PCDHGA1: variants seen among roughly 807,000 people sequenced by gnomAD.
PCDHGA1 encodes the protein protocadherin gamma subfamily A, 1.
PCDHGA1 carries 32 observed loss-of-function variants against 58.0 expected under a neutral mutation model. The ratio of observed to expected loss-of-function variants is 0.55; its 90% CI spans 0.42 to 0.74. The LOEUF is 0.74. PCDHGA1 is among the 30% of genes least tolerant of loss of function. PCDHGA1 has a pLI of 0.00. For missense variants in PCDHGA1, 1,205 were observed against 1,182.3 expected, an observed-to-expected ratio of 1.02 and a Z score of -0.28; for synonymous variants, 498 against 501.1, an observed-to-expected ratio of 0.99 and a Z score of 0.08.
chr5:141,409,178 G>C, intron 1 of PCDHGA1: 1 of 1,613,994 alleles, frequency 6.2e-7, no homozygotes, highest in Non-Finnish European at 8.5e-7. Context: ...GGACGGAGGT[G>C]GTCTCTCTAC....
chr5:141,373,336 T>C (rs1769491453), intron 1 of PCDHGA1, among the ~76,000 whole-genome samples: 1 of 152,216 alleles, frequency 6.6e-6, no homozygotes, highest in South Asian at 2.1e-4. Flanking sequence ...GCATCTAAAA[T>C]GGCAACTCTT....
chr5:141,408,643 C>G (rs751905674), intron 1 of PCDHGA1: 2 of 1,613,910 alleles, frequency 1.2e-6, no homozygotes, highest in Admixed American at 1.7e-5. Context: ...AATCTGCATC[C>G]GCTGGTACAC....
chr5:141,348,820 C>T (rs1030832002), intron 1 of PCDHGA1, among the ~76,000 whole-genome samples: 12 of 152,088 alleles, frequency 7.9e-5, no homozygotes, highest in East Asian at 1.9e-4. Flanking sequence ...TAGGCTGTTT[C>T]GAATAGAGTA....
chr5:141,394,362 C>T, intron 1 of PCDHGA1: 1 of 1,614,174 alleles, frequency 6.2e-7, no homozygotes, highest in Non-Finnish European at 8.5e-7. Flanking sequence ...CCTGTATGCG[C>T]TGCAATCTTT....
chr5:141,394,524 G>T lies in PCDHGA1; in HGVS notation c.2421+61419G>T, dbSNP rs977174958. 13 of 1,614,214 alleles carry T rather than the reference G, an allele frequency of 8.1e-6. No homozygotes were observed. ...CCTGTACCCCGCCCTCCCCACAGAC[G>T]GTTCCACTGGCGTGGAGCTGGCGCC... On this transcript the variant is annotated intron_variant, in intron 1 of 3. Coordinates refer to ENST00000517417, the MANE Select transcript of PCDHGA1 (RefSeq NM_018912.3).
At chr5:141,461,190 T>C (rs2099010725) in intron 1 of PCDHGA1, among the ~76,000 whole-genome samples, 1 of 152,142 alleles carries the variant, frequency 6.6e-6, no homozygotes, top group Non-Finnish European at 1.5e-5. Context: ...TAGATCTGTT[T>C]TTTGCTCTTT....
intron 1 of PCDHGA1, among the ~76,000 whole-genome samples, chr5:141,347,156 T>TTTCTTTCTTTCTTTCTTTCTTTC (rs2149744116): frequency 7.2e-6 from 1 of 139,788 alleles, no homozygotes; most frequent in African/African-American, 2.7e-5. Flanking sequence ...TCTTTCTTTC[T>TTTCTTTCTTTCTTTCTTTCTTTC]TTCTTTCTTT....
Position 141,361,616 on chromosome 5 carries a change from G to A in PCDHGA1, c.2421+28511G>A, listed in dbSNP as rs1031903185. On this transcript the variant is annotated intron_variant, in intron 1 of 3. Coordinates refer to ENST00000517417, the MANE Select transcript of PCDHGA1 (RefSeq NM_018912.3). ...CAAGTTTCCTACTCCATCGTAGCGA[G>A]CGACCTGAAGCCGCGGGAGATTTTA... The A allele has an allele frequency of 1.4e-5, 22 of 1,613,858 alleles. No homozygotes were observed. The highest frequency in any genetic ancestry group is 1.7e-5 in the Non-Finnish European group (20 of 1,179,908).
At chr5:141,472,066 T>C (rs1440684719) in intron 1 of PCDHGA1, among the ~76,000 whole-genome samples, 1 of 152,140 alleles carries the variant, frequency 6.6e-6, no homozygotes, top group African/African-American at 2.4e-5. Flanking sequence ...GACATGTCTG[T>C]GGTTATATCA....
At chr5:141,504,817 G>T in intron 2 of PCDHGA1, among the ~76,000 whole-genome samples, 1 of 151,940 alleles carries the variant, frequency 6.6e-6, no homozygotes, top group East Asian at 1.9e-4. Flanking sequence ...TACCTCCTAG[G>T]TCCCCACTTT....
intron 1 of PCDHGA1, chr5:141,408,693 T>C (rs1561714723): frequency 6.2e-6 from 10 of 1,613,768 alleles, no homozygotes; most frequent in Non-Finnish European, 8.5e-6. Flanking sequence ...GATATAAACA[T>C]AAACTCAATT....
Position 141,490,703 on chromosome 5 carries a change from G to GCCT in PCDHGA1, c.2422-4102_2422-4100dup. 6.2e-7 allele frequency: 1 copy of GCCT among 1,614,110 alleles called. No individual in the cohort carries two copies. The highest frequency in any genetic ancestry group is 8.5e-7 in the Non-Finnish European group (1 of 1,180,000). Reference sequence around the variant, plus strand: ...GATCCAGACACTGGGGATAATGCCCGCCTCACCTACTCCATTGTAGGAAAT... The same window carrying GCCT: ...GATCCAGACACTGGGGATAATGCCCGCCTCCTCACCTACTCCATTGTAGGAAAT... On this transcript the variant is annotated intron_variant, in intron 1 of 3. Transcript: ENST00000517417. This position sits in a 1 kb window ranked among gnomAD's most constrained non-coding sequence, Gnocchi z 5.4.
chr5:141,383,692 C>T (rs1779370134), intron 1 of PCDHGA1: 4 of 1,613,888 alleles, frequency 2.5e-6, no homozygotes, highest in Non-Finnish European at 2.5e-6. Flanking sequence ...GCTCACGGTA[C>T]ATGCTATCGA....
Position 141,490,748 on chromosome 5 carries a change from C to A in PCDHGA1, c.2422-4059C>A. 3.1e-6 allele frequency: 5 copies of A among 1,614,168 alleles called. No individual in the cohort carries two copies. Among genetic ancestry groups the A allele is most frequent in the Non-Finnish European group, 3.4e-6 (4 of 1,180,006 alleles). ...GGAAATCAGGTTCAGGGAGCCCCAGCCTCCTCCTTTGTGTATGTCAACCCA... is the reference window on the plus strand; with the variant it reads ...GGAAATCAGGTTCAGGGAGCCCCAGACTCCTCCTTTGTGTATGTCAACCCA... On this transcript the variant is annotated intron_variant, in intron 1 of 3. Transcript: ENST00000517417. This position sits in a 1 kb window ranked among gnomAD's most constrained non-coding sequence, Gnocchi z 5.4.
At chr5:141,381,271 T>G (rs1366742753) in intron 1 of PCDHGA1, among the ~76,000 whole-genome samples, 1 of 152,252 alleles carries the variant, frequency 6.6e-6, no homozygotes, top group Non-Finnish European at 1.5e-5. Context: ...CCAAGACTGT[T>G]TCTTGCCAGG....
intron 1 of PCDHGA1, chr5:141,384,055 A>G (rs764578426): frequency 7.5e-6 from 12 of 1,610,418 alleles, no homozygotes; most frequent in Non-Finnish European, 1.0e-5. Context: ...GACCTGCACC[A>G]TTCCAGAAAA....
intron 1 of PCDHGA1, chr5:141,422,812 T>C: frequency 6.2e-7 from 1 of 1,614,206 alleles, no homozygotes; most frequent in South Asian, 1.1e-5. Context: ...GTTTCGAGAC[T>C]TAGAACTGAG....
At position 141,339,496 on chromosome 5, in the gene PCDHGA1, T is replaced by C. The variant is rs1423742192; in HGVS notation, c.2421+6391T>C. ...TTCAGAAGTACGCACTCAACCCAAA[T>C]GACCACTTCTCCCTGGACGTGCGAA... is the stretch of plus-strand genomic sequence containing the variant. On this transcript the variant is annotated intron_variant, in intron 1 of 3. Coordinates refer to ENST00000517417, the MANE Select transcript of PCDHGA1 (RefSeq NM_018912.3). The C allele has an allele frequency of 2.5e-6, 4 of 1,614,148 alleles. No individual in the cohort carries two copies. In the South Asian group the frequency reaches 4.4e-5, roughly 18 times the overall value.
rs146372628 is a variant in PCDHGA1, at chr5:141,476,246, G to A, written c.2422-18561G>A. On this transcript the variant is annotated intron_variant, in intron 1 of 3. Coordinates refer to ENST00000517417, the MANE Select transcript of PCDHGA1 (RefSeq NM_018912.3). The surrounding 1 kb of genome is among the most constrained non-coding windows in gnomAD (Gnocchi z 7.6). ...TGAGATCCCGGAGGAAAGAGAGAAG[G>A]GTTTCGCTGTGGGCAACGTGGTCGC... 1.0e-3 allele frequency: 1,689 copies of A among 1,613,996 alleles called. 1 individual carries two copies. Among genetic ancestry groups the A allele is most frequent in the Non-Finnish European group, 1.3e-3 (1,557 of 1,180,008 alleles).
Sources: allele counts gnomAD v4.1 joint callset (sites outside exome capture counted in the v4.1 genomes callset), GRCh38; gene constraint gnomAD v4.1.1; non-coding constraint Gnocchi (gnomAD v3.1); transcripts MANE v1.5; gene names NCBI Gene and HGNC (gene_info 2026-07-23, HGNC 2026-07-21).